Variants in THRB observed in about 807,000 individuals in gnomAD.
THRB encodes the protein thyroid hormone receptor beta.
A neutral mutation model predicts 47.8 loss-of-function variants in THRB; 12 were observed. The ratio of observed to expected loss-of-function variants is 0.25; its 90% CI spans 0.16 to 0.41. The LOEUF (loss-of-function observed/expected upper bound fraction) is 0.41. Ranked by LOEUF, THRB falls within the 10% of genes least tolerant of loss-of-function variation. THRB has a pLI of 1.00. For synonymous variants in THRB, 218 were observed against 212.2 expected (o/e 1.03, Z -0.24); for missense variants, 348 against 589.2 (o/e 0.59, Z 4.24).
At chr3:24,228,639 A>G (rs916032739) in intron 4 of THRB, among the ~76,000 whole-genome samples, 2 of 150,546 alleles carry the variant, frequency 1.3e-5, no homozygotes, top group Non-Finnish European at 3.0e-5. Flanking sequence ...TCTCAAAGAA[A>G]AAAAAAAAAA....
chr3:24,272,981 C>T (rs1410306205), intron 3 of THRB, among the ~76,000 whole-genome samples: 1 of 152,112 alleles, frequency 6.6e-6, no homozygotes, highest in Non-Finnish European at 1.5e-5. Flanking sequence ...TTGGTTTTGA[C>T]TCAGAGTTTC....
intron 4 of THRB, among the ~76,000 whole-genome samples, chr3:24,191,142 TGTA>T (rs2043283217): frequency 6.6e-6 from 1 of 151,820 alleles, no homozygotes; most frequent in South Asian, 2.1e-4. Flanking sequence ...TGGGAAAAAA[TGTA>T]ATAATATGAT....
intron 4 of THRB, among the ~76,000 whole-genome samples, chr3:24,213,550 C>T (rs574780496): frequency 6.6e-6 from 1 of 152,226 alleles, no homozygotes; most frequent in African/African-American, 2.4e-5. Flanking sequence ...ATAGAAGGAT[C>T]TTCAGAAAAA....
rs2031767532 is a variant in THRB, at chr3:24,121,978, C to T, written c.*906G>A. 3 of 152,758 alleles carry T rather than the reference C, an allele frequency of 2.0e-5. No individual in the cohort carries two copies. The South Asian group carries it at 6.2e-4, about 32-fold the overall frequency. The allele number at this position is 152,758 out of a possible 1,614,324, so 9.5% of individuals were successfully genotyped here. A position where few individuals can be genotyped will look rare whatever the true frequency, so the allele number is the denominator to read the frequency against. On this transcript the variant is annotated 3_prime_UTR_variant, in exon 11 of 11. Transcript: ENST00000646209. Reference sequence around the variant, plus strand: ...ATCTGTTGTCAGCTCAGCAAAGATACAACCTGGATAAAGAACTTCAGGAGC... The same window carrying T: ...ATCTGTTGTCAGCTCAGCAAAGATATAACCTGGATAAAGAACTTCAGGAGC...
intron 5 of THRB, among the ~76,000 whole-genome samples, chr3:24,184,325 C>T (rs543863116): frequency 1.6e-4 from 25 of 152,242 alleles, no homozygotes; most frequent in African/African-American, 3.4e-4. Flanking sequence ...GTAAGTATTT[C>T]CCTGGGACAG....
rs575850307 is a variant in THRB at position 24,404,828 on chromosome 3, C to A, written c.-260-67457G>T. On this transcript the variant is annotated intron_variant, in intron 1 of 10. Coordinates refer to ENST00000646209, the MANE Select transcript of THRB (RefSeq NM_001354712.2). ...ATCAAATAATTTGAGGACTGCCAAT[C>A]CAGGGCTAGACAGATCTCCTTATAT... Among the ~76,000 whole-genome samples, 3 of 151,856 alleles carry A rather than the reference C, an allele frequency of 2.0e-5. No homozygotes were observed. The South Asian group carries it at 6.2e-4, about 32-fold the overall frequency.
intron 5 of THRB, among the ~76,000 whole-genome samples, chr3:24,161,617 AACACAC>A (rs58600238): frequency 0.031 from 4,330 of 141,172 alleles, 203 homozygotes; most frequent in African/African-American, 0.1. Context: ...AGAGCTACAG[AACACAC>A]ACACACACAC....
At chr3:24,236,046 T>TC (rs2048831213) in intron 3 of THRB, among the ~76,000 whole-genome samples, 1 of 152,080 alleles carries the variant, frequency 6.6e-6, no homozygotes, top group Non-Finnish European at 1.5e-5. Flanking sequence ...CAAATGGCTG[T>TC]CCCCCTAGGT....
intron 3 of THRB, among the ~76,000 whole-genome samples, chr3:24,246,488 A>G (rs1482364144): frequency 6.6e-6 from 1 of 152,212 alleles, no homozygotes; most frequent in African/African-American, 2.4e-5. Context: ...AGTTGGTAAC[A>G]TTAGGAAAGA....
intron 5 of THRB, among the ~76,000 whole-genome samples, chr3:24,176,913 C>CACTT (rs1425246220): frequency 6.6e-6 from 1 of 152,072 alleles, no homozygotes; most frequent in Admixed American, 6.5e-5. Context: ...TTGAACTATA[C>CACTT]ACTTAAAACA....
rs147968454 is a variant in THRB at position 24,300,455 on chromosome 3, G to C, written c.-188-3084C>G. Among the ~76,000 whole-genome samples the C allele has an allele frequency of 3.8e-3, 582 of 152,222 alleles. 2 individuals carry two copies. Among genetic ancestry groups the C allele is most frequent in the Non-Finnish European group, 6.5e-3 (439 of 68,012 alleles). ...ACTATTCCCCAATTTCTGGGCATTC[G>C]CTTGGTTTCCAGATTCTTCTTTCCC... On this transcript the variant is annotated intron_variant, in intron 2 of 10. Coordinates refer to ENST00000646209, the MANE Select transcript of THRB (RefSeq NM_001354712.2).
chr3:24,215,752 A>G (rs1273356658), intron 4 of THRB, among the ~76,000 whole-genome samples: 1 of 152,246 alleles, frequency 6.6e-6, no homozygotes, highest in Non-Finnish European at 1.5e-5. Flanking sequence ...GGTCTAGCCA[A>G]TAGAATGAAT....
chr3:24,459,682 T>G (rs759616110), intron 1 of THRB, among the ~76,000 whole-genome samples: 9 of 152,206 alleles, frequency 5.9e-5, no homozygotes, highest in African/African-American at 2.2e-4. Flanking sequence ...GGTATCTCAT[T>G]GGGGTTTTGA....
chr3:24,320,254 T>C lies in THRB; in HGVS notation c.-189+17046A>G, dbSNP rs576581740. Among the ~76,000 whole-genome samples, 165 of 152,362 alleles carry C rather than the reference T, an allele frequency of 1.1e-3. 3 individuals carry two copies. In the South Asian group the frequency reaches 0.034, roughly 32 times the overall value. On this transcript the variant is annotated intron_variant, in intron 2 of 10. Transcript: ENST00000646209. ...TACTTGAAGCCTGCTGTGTCTGCTATGCCTGTCCAATCGAAAGGAAAGAGA... is the reference window on the plus strand; with the variant it reads ...TACTTGAAGCCTGCTGTGTCTGCTACGCCTGTCCAATCGAAAGGAAAGAGA...
intron 1 of THRB, among the ~76,000 whole-genome samples, chr3:24,437,118 A>G (rs2071043857): frequency 1.4e-5 from 2 of 146,274 alleles, no homozygotes; most frequent in African/African-American, 2.6e-5. Flanking sequence ...ATATACATAC[A>G]TATAATGAAA....
chr3:24,455,517 T>G (rs1030451062), intron 1 of THRB: 1 of 152,192 alleles, frequency 6.6e-6, no homozygotes, highest in Non-Finnish European at 1.5e-5. Flanking sequence ...AGCACAACTT[T>G]GGTTAAATCA....
At chr3:24,357,914 C>T (rs2063799722) in intron 1 of THRB, among the ~76,000 whole-genome samples, 1 of 152,050 alleles carries the variant, frequency 6.6e-6, no homozygotes, top group African/African-American at 2.4e-5. Context: ...TCTTTACTTC[C>T]TTGCCTTGCA....
chr3:24,218,878 TA>T (rs2046881892), intron 4 of THRB, among the ~76,000 whole-genome samples: 1 of 152,188 alleles, frequency 6.6e-6, no homozygotes, highest in South Asian at 2.1e-4. Context: ...TCCTCTCATT[TA>T]TTTAAAAAAA....
At chr3:24,416,790 A>T (rs1246156272) in intron 1 of THRB, among the ~76,000 whole-genome samples, 1 of 151,776 alleles carries the variant, frequency 6.6e-6, no homozygotes, top group Non-Finnish European at 1.5e-5. Flanking sequence ...CCTGCTCCAG[A>T]CTCACAGAAT....
Sources: gnomAD v4.1 joint callset for allele counts (sites outside exome capture counted in the v4.1 genomes callset) on GRCh38, gnomAD v4.1.1 for gene constraint, MANE v1.5 for transcripts, NCBI Gene and HGNC (gene_info 2026-07-23, HGNC 2026-07-21) for gene names.